The following DAB2IP variants were observed in gnomAD, a reference collection of about 807,000 sequenced individuals.
DAB2IP encodes disabled homolog 2-interacting protein.
Under a neutral mutation model 107.2 loss-of-function variants are expected in DAB2IP, and 28 were observed. That is an observed-to-expected ratio of 0.26 (90% confidence interval 0.19 to 0.36). The LOEUF is 0.36. Among genes scored for constraint, DAB2IP ranks in the 10% least tolerant of loss-of-function variants. The pLI, the probability that DAB2IP is intolerant of heterozygous loss-of-function variation, is 1.00. For missense variants in DAB2IP, 1,400 were observed against 1,644.7 expected (o/e 0.85, Z 2.57); for synonymous variants, 755 against 706.4 (o/e 1.07, Z -1.09).
At position 121,776,397 on chromosome 9, in the gene DAB2IP, G is replaced by A; in HGVS notation, c.3314+6G>A. On this transcript the variant is annotated splice_donor_region_variant and intron_variant, in intron 14 of 15. Transcript: ENST00000408936. The surrounding 1 kb of genome is among the most constrained non-coding windows in gnomAD (Gnocchi z 5.4). ...ATGAAGGGCATCATCAGCAGGTGGG[G>A]CCCACACCTGCCTGGCCTGGCCACA... The A allele has an allele frequency of 6.5e-7, 1 of 1,526,920 alleles. No individual in the cohort carries two copies. Among genetic ancestry groups the A allele is most frequent in the Non-Finnish European group, 8.8e-7 (1 of 1,135,428 alleles). 94.6% of individuals were successfully genotyped at this position (1,526,920 alleles called of 1,614,324 possible). A position where few individuals can be genotyped will look rare whatever the true frequency, so the allele number is the denominator to read the frequency against.
rs932307732 is a variant in DAB2IP at position 121,684,726 on chromosome 9, G to A, written c.228+5945G>A. The stretch of plus-strand genomic sequence containing the variant: ...CAAGCTACGGAGGCTCCGGGTGGCT[G>A]TTGGGGTGGGGAACAGAAAAGCCAG... On this transcript the variant is annotated intron_variant, in intron 2 of 15. Coordinates refer to ENST00000408936, the Ensembl canonical transcript of DAB2IP. The surrounding 1 kb of genome is among the most constrained non-coding windows in gnomAD (Gnocchi z 4.0). 6.6e-6 allele frequency among the ~76,000 whole-genome samples: 1 copy of A among 152,230 alleles called. No individual in the cohort carries two copies. Among genetic ancestry groups the A allele is most frequent in the Admixed American group, 6.5e-5 (1 of 15,288 alleles).
At chr9:121,700,283 C>CTTCAT (rs1477238203) in intron 3 of DAB2IP, among the ~76,000 whole-genome samples, 1 of 151,902 alleles carries the variant, frequency 6.6e-6, no homozygotes, top group Non-Finnish European at 1.5e-5. Context: ...AGGGAGCAGG[C>CTTCAT]TTCAGCTCGC....
In DAB2IP at chr9:121,770,885, G is replaced by A. The variant is rs182196661; in HGVS notation, c.2078+161G>A. Among the ~76,000 whole-genome samples, 405 of 152,286 alleles carry A rather than the reference G, an allele frequency of 2.7e-3. 1 individual carries two copies. Among genetic ancestry groups the A allele is most frequent in the Non-Finnish European group, 4.3e-3 (295 of 68,020 alleles). On this transcript the variant is annotated intron_variant, in intron 11 of 15. Coordinates refer to ENST00000408936, the Ensembl canonical transcript of DAB2IP. ...GGTCCTAAGTGGTGAACCTCCATTT[G>A]GGAAAAATCAGGGAAGCCTTCCTAG...
intron 1 of DAB2IP, among the ~76,000 whole-genome samples, chr9:121,581,694 C>T (rs1212855990): frequency 6.6e-6 from 1 of 152,192 alleles, no homozygotes; most frequent in African/African-American, 2.4e-5. Context: ...CACTGAGCAG[C>T]CCACGTGCCT....
chr9:121,783,773 G>A, exon 16 of DAB2IP: 1 of 619,476 alleles, frequency 1.6e-6, no homozygotes, highest in Non-Finnish European at 2.8e-6. Flanking sequence ...CCCACAGCTG[G>A]GGCCGGTTTT....
At chr9:121,768,846 C>T (rs1438608495) in intron 10 of DAB2IP, among the ~76,000 whole-genome samples, 1 of 152,228 alleles carries the variant, frequency 6.6e-6, no homozygotes, top group African/African-American at 2.4e-5. Context: ...CTGCCCCACT[C>T]TGGGTACTAG....
chr9:121,588,996 C>T (rs371003924), intron 1 of DAB2IP, among the ~76,000 whole-genome samples: 2 of 152,166 alleles, frequency 1.3e-5, no homozygotes, highest in East Asian at 3.9e-4. Flanking sequence ...AAGGCATTCC[C>T]CTCCAGCAAC....
upstream of DAB2IP, among the ~76,000 whole-genome samples, chr9:121,649,594 C>G (rs1055109436): frequency 2.6e-5 from 4 of 152,174 alleles, no homozygotes; most frequent in Non-Finnish European, 4.4e-5. Flanking sequence ...AGGACCGTTG[C>G]CCCCGTCCTG....
intron 3 of DAB2IP, among the ~76,000 whole-genome samples, chr9:121,718,757 G>C (rs1173172374): frequency 6.6e-6 from 1 of 152,236 alleles, no homozygotes; most frequent in Non-Finnish European, 1.5e-5. Flanking sequence ...AACCGGGATT[G>C]TGTCATGGAG....
Position 121,666,867 on chromosome 9 carries a change from A to AACACACACACAC in DAB2IP, c.125-11773_125-11762dup, listed in dbSNP as rs59290421. ...GGCTTCATCCCCTATCCCCAGCCCC[A>AACACACACACAC]ACACACACACACACACACACACACA... On this transcript the variant is annotated intron_variant, in intron 1 of 15. Transcript: ENST00000408936. 3.1e-4 allele frequency among the ~76,000 whole-genome samples: 40 copies of AACACACACACAC among 128,670 alleles called. No homozygotes were observed. The East Asian group carries it at 3.4e-3, about 11-fold the overall frequency. 84.4% of individuals were successfully genotyped at this position (128,670 alleles called of 152,430 possible).
rs1381705926 is a variant in DAB2IP, at chr9:121,760,561, A to G, written c.1170+122A>G. ...CTTGGAGGCACCGGTCACTACCAGA[A>G]GGGCTCCCTAAACCCAAAAGTTCTA... On this transcript the variant is annotated intron_variant, in intron 6 of 15. Coordinates refer to ENST00000408936, the Ensembl canonical transcript of DAB2IP. The surrounding 1 kb of genome is among the most constrained non-coding windows in gnomAD (Gnocchi z 5.9). The G allele has an allele frequency of 1.6e-6, 2 of 1,265,646 alleles. No homozygotes were observed. Among genetic ancestry groups the G allele is most frequent in the Non-Finnish European group, 2.1e-6 (2 of 945,476 alleles). The allele number at this position is 1,265,646 out of a possible 1,614,324, so 78.4% of individuals were successfully genotyped here.
Position 121,760,714 on chromosome 9 carries a change from C to G in DAB2IP, c.1170+275C>G, listed in dbSNP as rs1051247330. Among the ~76,000 whole-genome samples, 2 of 152,148 alleles carry G rather than the reference C, an allele frequency of 1.3e-5. No individual in the cohort carries two copies. Among genetic ancestry groups the G allele is most frequent in the South Asian group, 4.1e-4 (2 of 4,830 alleles). ...GCTTGGGTTGAGGTGCCTTCCACCA[C>G]TGCTGCAGAGGACCGACCCCCTGAG... On this transcript the variant is annotated intron_variant, in intron 6 of 15. Transcript: ENST00000408936. This position sits in a 1 kb window ranked among gnomAD's most constrained non-coding sequence, Gnocchi z 5.9.
chr9:121,753,779 A>G lies in DAB2IP; in HGVS notation c.363-3234A>G, dbSNP rs1252809636. On this transcript the variant is annotated intron_variant, in intron 3 of 15. Coordinates refer to ENST00000408936, the Ensembl canonical transcript of DAB2IP. ...ACAGGCATCCCTTCCTGGGAGTGGA[A>G]TGGGAGTGAGGTAGAGACCAGTGCC... Among the ~76,000 whole-genome samples the G allele has an allele frequency of 2.6e-5, 4 of 152,266 alleles. No individual in the cohort carries two copies. In the East Asian group the frequency reaches 7.7e-4, roughly 29 times the overall value.
At chr9:121,645,148 A>G (rs747240006) in intron 1 of DAB2IP, among the ~76,000 whole-genome samples, 4 of 152,170 alleles carry the variant, frequency 2.6e-5, no homozygotes, top group Non-Finnish European at 5.9e-5. Flanking sequence ...GCCAGGGAGA[A>G]AGGAGGGGCT....
chr9:121,655,982 G>C (rs1337529814), intron 1 of DAB2IP, among the ~76,000 whole-genome samples: 5 of 152,022 alleles, frequency 3.3e-5, no homozygotes, highest in Non-Finnish European at 7.4e-5. Context: ...TGCCACCATG[G>C]GGGGTGGGTA....
At chr9:121,769,366 C>CA (rs1834531558) in intron 10 of DAB2IP, among the ~76,000 whole-genome samples, 1 of 151,968 alleles carries the variant, frequency 6.6e-6, no homozygotes, top group Non-Finnish European at 1.5e-5. Context: ...AGCGCACACA[C>CA]ACATGCAGGC....
intron 1 of DAB2IP, among the ~76,000 whole-genome samples, chr9:121,589,763 G>A (rs113853725): frequency 0.013 from 1,974 of 152,236 alleles, 44 homozygotes; most frequent in African/African-American, 0.045. Context: ...TCCTACACTG[G>A]TGCTCTACAT....
intron 3 of DAB2IP, among the ~76,000 whole-genome samples, chr9:121,708,271 C>T (rs1449984969): frequency 6.6e-6 from 1 of 152,210 alleles, no homozygotes; most frequent in Non-Finnish European, 1.5e-5. Flanking sequence ...GGCCCAAAGT[C>T]ACACACTGGA....
chr9:121,770,470 C>T, intron 10 of DAB2IP, 76 bp from the exon 11 acceptor site: 1 of 1,522,054 alleles, frequency 6.6e-7, no homozygotes, highest in Non-Finnish European at 8.9e-7. Context: ...GGTTTTGAGC[C>T]ATAGTGGCTG....
Sources: allele counts gnomAD v4.1 joint callset (sites outside exome capture counted in the v4.1 genomes callset), GRCh38; gene constraint gnomAD v4.1.1; non-coding constraint Gnocchi (gnomAD v3.1); transcripts MANE v1.5; gene names NCBI Gene and HGNC (gene_info 2026-07-23, HGNC 2026-07-21).